RELN: variants seen among roughly 807,000 people sequenced by gnomAD.
The protein encoded by RELN is reelin.
In RELN, 108 loss-of-function variants were observed where a neutral mutation model predicts 427.6. The observed-to-expected ratio is 0.25, with a 90% CI of 0.22 to 0.30. The LOEUF is 0.30. RELN is among the 10% of genes least tolerant of loss of function. The probability of loss-of-function intolerance (pLI) is 1.00; values close to 1 mark genes in which losing one functional copy is unlikely to be tolerated. For synonymous variants in RELN, 1,524 were observed against 1,513.4 expected, an observed-to-expected ratio of 1.01 and a Z score of -0.16; for missense variants, 3,715 against 4,302.8, an observed-to-expected ratio of 0.86 and a Z score of 3.82.
At chr7:103,946,055 A>T (rs1406318410) in intron 1 of RELN, among the ~76,000 whole-genome samples, 1 of 152,178 alleles carries the variant, frequency 6.6e-6, no homozygotes, top group Non-Finnish European at 1.5e-5. Flanking sequence ...TTACTTGTTC[A>T]ATCTCTAAAT....
chr7:103,749,737 AT>A (rs1231179994), intron 5 of RELN, among the ~76,000 whole-genome samples: 1 of 152,226 alleles, frequency 6.6e-6, no homozygotes, highest in Non-Finnish European at 1.5e-5. Flanking sequence ...AAGGAAATCT[AT>A]GAAGCTATCA....
intron 16 of RELN, among the ~76,000 whole-genome samples, chr7:103,643,243 T>G (rs1832729186): frequency 6.6e-6 from 1 of 152,110 alleles, no homozygotes; most frequent in South Asian, 2.1e-4. Context: ...CTAAATTTGC[T>G]TAGCTATTGA....
Position 103,976,402 on chromosome 7 carries a change from T to C in RELN, c.226+12729A>G, listed in dbSNP as rs555180716. Among the ~76,000 whole-genome samples, 202 of 134,122 alleles carry C rather than the reference T, an allele frequency of 1.5e-3. 2 individuals carry two copies. In the South Asian group the frequency reaches 0.019, roughly 13 times the overall value. 88.0% of individuals were successfully genotyped at this position (134,122 alleles called of 152,430 possible). On this transcript the variant is annotated intron_variant, in intron 1 of 64. Transcript: ENST00000428762. ...AGACTAGAATGAAAGTGAGCAAGCGTTAACACAAAGACAGTTGTAGGAGCC... is the reference window on the plus strand; with the variant it reads ...AGACTAGAATGAAAGTGAGCAAGCGCTAACACAAAGACAGTTGTAGGAGCC...
rs115519666 is a variant in RELN, at chr7:103,666,274, G to A, written c.1290-4747C>T. Among the ~76,000 whole-genome samples, 1,296 of 151,988 alleles carry A rather than the reference G, an allele frequency of 8.5e-3. 29 individuals are homozygous for A. Among genetic ancestry groups the A allele is most frequent in the African/African-American group, 0.029 (1,190 of 41,454 alleles). Reference sequence around the variant, plus strand: ...CCTTTTAGAGATGATGTTTTGTCACGTTGCCCAGGCTGGTCTGAAACTCCT... The same window carrying A: ...CCTTTTAGAGATGATGTTTTGTCACATTGCCCAGGCTGGTCTGAAACTCCT... On this transcript the variant is annotated intron_variant, in intron 11 of 64. Coordinates refer to ENST00000428762, the MANE Select transcript of RELN (RefSeq NM_005045.4).
chr7:103,758,732 C>A (rs1339692629), intron 4 of RELN, among the ~76,000 whole-genome samples: 1 of 149,192 alleles, frequency 6.7e-6, no homozygotes, highest in Non-Finnish European at 1.5e-5. Context: ...TTATGAGTGT[C>A]AAAACCACTC....
At chr7:103,761,630 G>T (rs368840779) in intron 4 of RELN, among the ~76,000 whole-genome samples, 68 of 150,236 alleles carry the variant, frequency 4.5e-4, no homozygotes, top group Admixed American at 2.1e-3. Context: ...TTTTTTTTTG[G>T]GGGGGGGTAG....
At chr7:103,698,985 T>G (rs944471593) in intron 9 of RELN, among the ~76,000 whole-genome samples, 1 of 152,226 alleles carries the variant, frequency 6.6e-6, no homozygotes, top group Non-Finnish European at 1.5e-5. Flanking sequence ...ATGCTCTCAC[T>G]TATAATACCT....
Position 103,566,306 on chromosome 7 carries a change from G to A in RELN, c.4854C>T (p.Ala1618=), listed in dbSNP as rs753822592. 1.9e-6 allele frequency: 3 copies of A among 1,613,822 alleles called. No homozygotes were observed. Among genetic ancestry groups the A allele is most frequent in the African/African-American group, 2.7e-5 (2 of 74,882 alleles). Reference sequence around the variant, plus strand: ...GACCTCCTTGGATTCGATACCAGTTGGCTTGCAAATCTATAGAGCCATCAA... The same window carrying A: ...GACCTCCTTGGATTCGATACCAGTTAGCTTGCAAATCTATAGAGCCATCAA... The part of the protein sequence containing the change: ...DKFDGSIDLQ[A]NWYRIQGGQV... Residue 1618 remains alanine (A), a synonymous_variant, in exon 33 of 65, where the codon GCC becomes GCT. Transcript: ENST00000428762.
intron 63 of RELN, among the ~76,000 whole-genome samples, chr7:103,480,440 A>G (rs1422231694): frequency 1.3e-5 from 2 of 152,228 alleles, no homozygotes; most frequent in Admixed American, 6.5e-5. Flanking sequence ...TACTAATTGC[A>G]TACTAATGAA....
intron 1 of RELN, among the ~76,000 whole-genome samples, chr7:103,942,352 A>C (rs886371135): frequency 3.3e-5 from 5 of 152,156 alleles, no homozygotes; most frequent in African/African-American, 1.2e-4. Context: ...TGTGAGCTTG[A>C]ATATTTTAGG....
At chr7:103,694,972 A>G (rs1399225944) in intron 10 of RELN, among the ~76,000 whole-genome samples, 1 of 151,992 alleles carries the variant, frequency 6.6e-6, no homozygotes, top group African/African-American at 2.4e-5. Flanking sequence ...GCCATCTTGG[A>G]AACTTTTAAT....
At chr7:103,490,900 G>GACATTA (rs1828627984) in intron 58 of RELN, 71 bp from the exon 59 acceptor site, 1 of 1,487,742 alleles carries the variant, frequency 6.7e-7, no homozygotes, top group Non-Finnish European at 9.3e-7. Flanking sequence ...TCAAGGTAAT[G>GACATTA]CTTTGTGATC....
chr7:103,516,857 G>C (rs1829578344), intron 49 of RELN, among the ~76,000 whole-genome samples: 1 of 151,742 alleles, frequency 6.6e-6, no homozygotes, highest in South Asian at 2.1e-4. Flanking sequence ...TTGAGGTAGA[G>C]TGGCCAGAAC....
chr7:103,702,622 T>C (rs1431574823), intron 8 of RELN, among the ~76,000 whole-genome samples: 1 of 152,218 alleles, frequency 6.6e-6, no homozygotes, highest in Non-Finnish European at 1.5e-5. Context: ...TTAACTTTTT[T>C]ATGCATCTAG....
At chr7:103,611,096 C>T (rs1027869038) in intron 21 of RELN, among the ~76,000 whole-genome samples, 7 of 152,148 alleles carry the variant, frequency 4.6e-5, no homozygotes, top group Non-Finnish European at 7.3e-5. Flanking sequence ...GTTTTTAGGC[C>T]TGTTATCGTA....
intron 16 of RELN, among the ~76,000 whole-genome samples, chr7:103,645,544 T>C (rs139280594): frequency 2.8e-4 from 42 of 151,878 alleles, no homozygotes; most frequent in African/African-American, 9.6e-4. Flanking sequence ...CATTATAAAA[T>C]GATAAAAGGA....
Position 103,472,018 on chromosome 7 carries a change from A to C in RELN, c.*794T>G, listed in dbSNP as rs1450151554. 1 of 152,592 alleles carries C rather than the reference A, an allele frequency of 6.6e-6. No individual in the cohort carries two copies. Among genetic ancestry groups the C allele is most frequent in the Non-Finnish European group, 1.5e-5 (1 of 68,034 alleles). 9.5% of individuals were successfully genotyped at this position (152,592 alleles called of 1,614,324 possible). A position where few individuals can be genotyped will look rare whatever the true frequency, so the allele number is the denominator to read the frequency against. Reference sequence around the variant, plus strand: ...GTTTTACAAATCACTCTGTTATCACAGACAAAAAATGGCAGTTACTGTTAG... The same window carrying C: ...GTTTTACAAATCACTCTGTTATCACCGACAAAAAATGGCAGTTACTGTTAG... On this transcript the variant is annotated 3_prime_UTR_variant, in exon 65 of 65. Coordinates refer to ENST00000428762, the MANE Select transcript of RELN (RefSeq NM_005045.4).
rs545295891 is a variant in RELN at position 103,920,616 on chromosome 7, C to G, written c.227-3431G>C. On this transcript the variant is annotated intron_variant, in intron 1 of 64. Coordinates refer to ENST00000428762, the MANE Select transcript of RELN (RefSeq NM_005045.4). Reference sequence around the variant, plus strand: ...TTTGAGAGAGTCTCGCTCTCTTACCCAGGCTGGAGTGCAGTGGCACAATCT... The same window carrying G: ...TTTGAGAGAGTCTCGCTCTCTTACCGAGGCTGGAGTGCAGTGGCACAATCT... Among the ~76,000 whole-genome samples the G allele has an allele frequency of 2.7e-3, 392 of 142,686 alleles. 1 individual carries two copies. The highest frequency in any genetic ancestry group is 0.01 in the African/African-American group (370 of 36,062). 93.6% of individuals were successfully genotyped at this position (142,686 alleles called of 152,430 possible).
At chr7:103,904,050 T>C (rs1795141079) in intron 2 of RELN, among the ~76,000 whole-genome samples, 1 of 152,108 alleles carries the variant, frequency 6.6e-6, no homozygotes, top group African/African-American at 2.4e-5. Context: ...TTCCCCTCCC[T>C]GTGTCCATGT....
Sources: allele counts gnomAD v4.1 joint callset (sites outside exome capture counted in the v4.1 genomes callset), GRCh38; gene constraint gnomAD v4.1.1; transcripts MANE v1.5; gene names NCBI Gene and HGNC (gene_info 2026-07-23, HGNC 2026-07-21).